SDHB: variants seen among roughly 807,000 people sequenced by gnomAD.
SDHB encodes the protein succinate dehydrogenase [ubiquinone] iron-sulfur subunit, mitochondrial.
A neutral mutation model predicts 39.7 loss-of-function variants in SDHB; 21 were observed. That is an observed-to-expected ratio of 0.53 (90% CI 0.37 to 0.76). The LOEUF (loss-of-function observed/expected upper bound fraction) is 0.76. Ranked by LOEUF, SDHB falls within the 30% of genes least tolerant of loss-of-function variation. The pLI, the probability that SDHB is intolerant of heterozygous loss-of-function variation, is 0.00. For missense variants in SDHB, 343 were observed against 350.9 expected (o/e 0.98, Z 0.18); for synonymous variants, 118 against 117.0 (o/e 1.01, Z -0.06).
intron 1 of SDHB, among the ~76,000 whole-genome samples, chr1:17,049,142 G>A (rs925495318): frequency 6.6e-6 from 1 of 152,156 alleles, no homozygotes; most frequent in African/African-American, 2.4e-5. Flanking sequence ...TGGGACTATA[G>A]GTGCACACCA....
chr1:17,042,739 T>C (rs890762518), intron 2 of SDHB, among the ~76,000 whole-genome samples: 1 of 151,732 alleles, frequency 6.6e-6, no homozygotes, highest in Admixed American at 6.6e-5. Context: ...GAGCATGCCA[T>C]TGCACTGTAA....
intron 5 of SDHB, among the ~76,000 whole-genome samples, chr1:17,027,138 G>A (rs1205794877): frequency 6.6e-6 from 1 of 152,114 alleles, no homozygotes. Context: ...GCAAATCAGA[G>A]AAGACTTCTT....
intron 7 of SDHB, among the ~76,000 whole-genome samples, chr1:17,021,443 T>TA (rs1036581839): frequency 3.3e-5 from 5 of 149,706 alleles, no homozygotes; most frequent in South Asian, 2.1e-4. Context: ...CCCTGTCTTT[T>TA]AAAAAAAACA....
At chr1:17,034,527 C>G (rs1464859211) in intron 2 of SDHB, among the ~76,000 whole-genome samples, 1 of 151,348 alleles carries the variant, frequency 6.6e-6, no homozygotes, top group Non-Finnish European at 1.5e-5. Context: ...ATTACAGGTG[C>G]ATGCCACCAC....
At chr1:17,041,594 G>A (rs1161537381) in intron 2 of SDHB, among the ~76,000 whole-genome samples, 1 of 151,578 alleles carries the variant, frequency 6.6e-6, no homozygotes, top group South Asian at 2.1e-4. Context: ...CCCGGGAGGC[G>A]GAGGTTGCAG....
intron 3 of SDHB, among the ~76,000 whole-genome samples, chr1:17,031,130 CCTT>C (rs1178066798): frequency 2.6e-5 from 4 of 151,930 alleles, no homozygotes; most frequent in Non-Finnish European, 2.9e-5. Flanking sequence ...GTAAGACTCT[CCTT>C]CTCCTGTAAA....
intron 3 of SDHB, 192 bp downstream of exon 3, chr1:17,032,868 C>G: frequency 1.5e-6 from 1 of 648,046 alleles, no homozygotes; most frequent in Non-Finnish European, 2.8e-6. Context: ...GGAAAGTAAA[C>G]TCAGAAACCA....
chr1:17,035,748 T>C (rs2078047331), intron 2 of SDHB, among the ~76,000 whole-genome samples: 1 of 151,864 alleles, frequency 6.6e-6, no homozygotes. Flanking sequence ...TAGTCCCAAT[T>C]ACTTGGGAGG....
chr1:17,037,712 C>G (rs184894861), intron 2 of SDHB, among the ~76,000 whole-genome samples: 122 of 152,242 alleles, frequency 8.0e-4, no homozygotes, highest in African/African-American at 2.9e-3. Context: ...CTGCTTTGGC[C>G]TCTCAGAATG....
At chr1:17,024,415 G>A (rs890784815) in intron 5 of SDHB, among the ~76,000 whole-genome samples, 1 of 152,190 alleles carries the variant, frequency 6.6e-6, no homozygotes, top group African/African-American at 2.4e-5. Flanking sequence ...GTCAAGACGG[G>A]AGAGATTCAA....
chr1:17,028,855 C>T lies in SDHB; in HGVS notation c.287-119G>A. ...AGGGGCAGCACTGACATGCAACATT[C>T]CTCTGACAGAGGTGCCTGTTGGCTT... On this transcript the variant is annotated intron_variant, in intron 3 of 7. Coordinates refer to ENST00000375499, the MANE Select transcript of SDHB (RefSeq NM_003000.3). 2.5e-6 allele frequency: 3 copies of T among 1,200,470 alleles called. No individual in the cohort carries two copies. In the Admixed American group the frequency reaches 5.1e-5, roughly 20 times the overall value. The allele number at this position is 1,200,470 out of a possible 1,614,324, so 74.4% of individuals were successfully genotyped here.
chr1:17,051,787 T>C (rs1202509780), intron 1 of SDHB, among the ~76,000 whole-genome samples: 1 of 152,122 alleles, frequency 6.6e-6, no homozygotes, highest in Non-Finnish European at 1.5e-5. Context: ...TATTCTGATT[T>C]GTAAATAGGT....
Position 17,018,746 on chromosome 1 carries a change from A to G in SDHB, c.*135T>C. On this transcript the variant is annotated 3_prime_UTR_variant, in exon 8 of 8. Transcript: ENST00000375499. ...CTTTTTTTTTTGTTAATAAAGTAGAATAACATTTATTTCTTAAAATTTTTA... is the reference window on the plus strand; with the variant it reads ...CTTTTTTTTTTGTTAATAAAGTAGAGTAACATTTATTTCTTAAAATTTTTA... The G allele has an allele frequency of 2.9e-6, 2 of 687,986 alleles. No homozygotes were observed. The highest frequency in any genetic ancestry group is 3.3e-5 in the South Asian group (2 of 60,288). 42.6% of individuals were successfully genotyped at this position (687,986 alleles called of 1,614,324 possible).
intron 7 of SDHB, 140 bp from the exon 8 acceptor site, chr1:17,019,098 G>C (rs2077947109): frequency 1.4e-6 from 1 of 731,378 alleles, no homozygotes; most frequent in South Asian, 1.4e-5. Context: ...CAAAACCATA[G>C]GGGTTGGGCT....
intron 5 of SDHB, 31 bp from the exon 6 acceptor site, chr1:17,024,105 TGTGAC>T (rs1165056391): frequency 6.7e-7 from 1 of 1,497,850 alleles, no homozygotes; most frequent in South Asian, 1.1e-5. Flanking sequence ...GGCAGGAGCT[TGTGAC>T]GGGAGAGACT....
chr1:17,039,036 T>C (rs1162719177), intron 2 of SDHB, among the ~76,000 whole-genome samples: 1 of 152,212 alleles, frequency 6.6e-6, no homozygotes, highest in African/African-American at 2.4e-5. Flanking sequence ...TGGTTGGGTT[T>C]TGCTTTTTTT....
intron 1 of SDHB, among the ~76,000 whole-genome samples, chr1:17,050,202 TATC>T (rs2078137724): frequency 6.6e-6 from 1 of 152,234 alleles, no homozygotes; most frequent in Non-Finnish European, 1.5e-5. Flanking sequence ...TAAAAAGTCT[TATC>T]ATATGAATGA....
In SDHB at chr1:17,027,733, A is replaced by G; in HGVS notation, c.540+16T>C. ...ATAAATTCTTCAGATTGAAACAATA[A>G]ATAGGGACTAATGACCAGTTTCTCA... On this transcript the variant is annotated intron_variant, in intron 5 of 7. Coordinates refer to ENST00000375499, the MANE Select transcript of SDHB (RefSeq NM_003000.3). 1.5e-6 allele frequency: 2 copies of G among 1,377,478 alleles called. No homozygotes were observed. The highest frequency in any genetic ancestry group is 3.3e-5 in the Admixed American group (2 of 59,760). 85.3% of individuals were successfully genotyped at this position (1,377,478 alleles called of 1,614,324 possible).
At position 17,053,700 on chromosome 1, in the gene SDHB, T is replaced by TC. The variant is rs35029966; in HGVS notation, c.72+247dup. ...GCAATTCAAGTCCCCTTTCTGAACG[T>TC]CCCCCCCCCCCGCACCCTTAGCTGT... On this transcript the variant is annotated intron_variant, in intron 1 of 7. Coordinates refer to ENST00000375499, the MANE Select transcript of SDHB (RefSeq NM_003000.3). Among the ~76,000 whole-genome samples, 933 of 118,304 alleles carry TC rather than the reference T, an allele frequency of 7.9e-3. 10 individuals carry two copies. Among genetic ancestry groups the TC allele is most frequent in the African/African-American group, 9.1e-3 (292 of 32,246 alleles). The allele number at this position is 118,304 out of a possible 152,430, so 77.6% of individuals were successfully genotyped here.
Sources: allele counts gnomAD v4.1 joint callset (sites outside exome capture counted in the v4.1 genomes callset), GRCh38; gene constraint gnomAD v4.1.1; transcripts MANE v1.5; gene names NCBI Gene and HGNC (gene_info 2026-07-23, HGNC 2026-07-21).